TEX11: variants seen among roughly 807,000 people sequenced by gnomAD.
TEX11 encodes testis-expressed protein 11.
In TEX11, 7 loss-of-function variants were observed where a neutral mutation model predicts 84.4. That is an observed-to-expected ratio of 0.08 (90% CI 0.05 to 0.16). The LOEUF is 0.16. Among genes scored for constraint, TEX11 ranks in the 10% least tolerant of loss-of-function variants. TEX11 has a pLI of 1.00. For missense variants in TEX11, 551 were observed against 660.5 expected, an observed-to-expected ratio of 0.83 and a Z score of 1.82; for synonymous variants, 264 against 222.8, an observed-to-expected ratio of 1.18 and a Z score of -1.64.
chrX:70,609,465 T>C (rs949926747), intron 21 of TEX11, among the ~76,000 whole-genome samples: 6 of 111,938 alleles, frequency 5.4e-5, no homozygotes, highest in Non-Finnish European at 1.1e-4. Context: ...GATTTACATG[T>C]GAGGAAATAA....
intron 18 of TEX11, among the ~76,000 whole-genome samples, chrX:70,628,380 A>G (rs1245351631): frequency 9.0e-6 from 1 of 111,598 alleles, no homozygotes; most frequent in East Asian, 2.8e-4. Flanking sequence ...CTTTAAAAAA[A>G]CATTCTTACT....
At chrX:70,574,033 C>A (rs2088640443) in intron 25 of TEX11, among the ~76,000 whole-genome samples, 1 of 111,939 alleles carries the variant, frequency 8.9e-6, no homozygotes, top group Non-Finnish European at 1.9e-5. Flanking sequence ...AAGCGAAATT[C>A]TTCCTTGCAA....
chrX:70,556,500 T>A (rs2088288257), intron 25 of TEX11, among the ~76,000 whole-genome samples: 1 of 112,115 alleles, frequency 8.9e-6, no homozygotes, highest in Admixed American at 9.5e-5. Flanking sequence ...AATAATTTTA[T>A]GATTTCAATA....
chrX:70,526,390 G>A (rs1166611711), downstream of TEX11, among the ~76,000 whole-genome samples: 4 of 110,279 alleles, frequency 3.6e-5, no homozygotes, highest in South Asian at 3.9e-4. Context: ...CCAACATGGC[G>A]AAATCTCGTC....
At chrX:70,646,254 A>G (rs1341224479) in intron 17 of TEX11, among the ~76,000 whole-genome samples, 1 of 112,308 alleles carries the variant, frequency 8.9e-6, no homozygotes, top group Admixed American at 9.5e-5. Context: ...TTCTCACAAT[A>G]TATAAAAAAG....
chrX:70,729,847 C>T (rs2090630986), intron 11 of TEX11, among the ~76,000 whole-genome samples: 1 of 111,151 alleles, frequency 9.0e-6, no homozygotes, highest in Non-Finnish European at 1.9e-5. Flanking sequence ...AACTCCAAGA[C>T]ACATAATTGT....
intron 24 of TEX11, among the ~76,000 whole-genome samples, chrX:70,593,169 A>T (rs73542405): frequency 9.1e-6 from 1 of 110,327 alleles, no homozygotes; most frequent in Admixed American, 9.7e-5. Flanking sequence ...CAATAGAAGA[A>T]GGTCATCTAG....
Position 70,790,679 on chromosome X carries a change from CCT to C in TEX11, c.692+16024_692+16025del, listed in dbSNP as rs762002144. Among the ~76,000 whole-genome samples the C allele has an allele frequency of 1.2e-4, 13 of 111,790 alleles. No individual in the cohort carries two copies. The East Asian group carries it at 3.4e-3, about 29-fold the overall frequency. On this transcript the variant is annotated intron_variant, in intron 9 of 29. Transcript: ENST00000374333. ...CTGGAGTGCATCTGATCTGCATGCC[CCT>C]CTGTCGGCAACACCTCCCAAGGCTC... is the stretch of plus-strand genomic sequence containing the variant.
intron 9 of TEX11, among the ~76,000 whole-genome samples, chrX:70,761,333 T>C (rs776832130): frequency 8.9e-6 from 1 of 112,041 alleles, no homozygotes; most frequent in Admixed American, 9.5e-5. Flanking sequence ...TGGCACCATT[T>C]ACAATAGCAA....
At chrX:70,844,663 T>C (rs1468856892) in intron 7 of TEX11, among the ~76,000 whole-genome samples, 2 of 111,639 alleles carry the variant, frequency 1.8e-5, no homozygotes, top group Non-Finnish European at 3.8e-5. Flanking sequence ...CTCATACCTG[T>C]AGTCCCAGCA....
intron 2 of TEX11, among the ~76,000 whole-genome samples, chrX:70,897,998 G>C (rs935216198): frequency 2.3e-4 from 26 of 111,673 alleles, no homozygotes; most frequent in Non-Finnish European, 4.0e-4. Context: ...AGAATCCAAG[G>C]AAACTGCACC....
intron 9 of TEX11, among the ~76,000 whole-genome samples, chrX:70,799,295 G>A (rs1258751525): frequency 3.6e-5 from 4 of 111,266 alleles, no homozygotes; most frequent in African/African-American, 1.3e-4. Context: ...TTTAAGATTA[G>A]GAAACAAAAA....
intron 8 of TEX11, among the ~76,000 whole-genome samples, chrX:70,831,093 T>C (rs1420507496): frequency 3.6e-5 from 4 of 111,153 alleles, no homozygotes; most frequent in African/African-American, 1.3e-4. Context: ...GTAAAGAAAA[T>C]GTGGTATTTA....
intron 25 of TEX11, among the ~76,000 whole-genome samples, chrX:70,555,149 T>C (rs2088269760): frequency 8.9e-6 from 1 of 111,928 alleles, no homozygotes; most frequent in Non-Finnish European, 1.9e-5. Flanking sequence ...TTGCTTCTTG[T>C]GAACTTTCAA....
intron 7 of TEX11, 93 bp downstream of exon 7, chrX:70,852,941 T>G (rs1434822691): frequency 3.4e-6 from 3 of 882,180 alleles, no homozygotes; most frequent in Non-Finnish European, 4.7e-6. Flanking sequence ...GCCAGTGACA[T>G]CTGACTTTCT....
intron 28 of TEX11, among the ~76,000 whole-genome samples, chrX:70,542,217 C>T (rs2088054966): frequency 9.0e-6 from 1 of 110,521 alleles, no homozygotes; most frequent in African/African-American, 3.3e-5. Context: ...GGATTAGTGC[C>T]CTTATAAAAG....
chrX:70,681,163 C>G (rs893545201), intron 14 of TEX11, among the ~76,000 whole-genome samples: 1 of 112,746 alleles, frequency 8.9e-6, no homozygotes, highest in African/African-American at 3.2e-5. Context: ...TCAATTTCCA[C>G]AAAAGTCTTG....
chrX:70,651,591 C>T (rs1355691887), intron 16 of TEX11, 39 bp from the exon 17 acceptor site: 1 of 1,032,333 alleles, frequency 9.7e-7, no homozygotes, highest in Non-Finnish European at 1.3e-6. Context: ...ATAAAATCTA[C>T]AAGGAAGGAC....
chrX:70,530,452 G>C (rs1485482374), intron 28 of TEX11, among the ~76,000 whole-genome samples: 1 of 112,119 alleles, frequency 8.9e-6, no homozygotes. Flanking sequence ...CATCTTCAGA[G>C]TTAACGATAT....
Sources: allele counts gnomAD v4.1 joint callset (sites outside exome capture counted in the v4.1 genomes callset), GRCh38; gene constraint gnomAD v4.1.1; transcripts MANE v1.5; gene names NCBI Gene and HGNC (gene_info 2026-07-23, HGNC 2026-07-21).